Variants in RMDN2 observed in about 807,000 individuals in gnomAD.
RMDN2 encodes the protein regulator of microtubule dynamics 2, also known as regulator of microtubule dynamics protein 2.
RMDN2 carries 61 observed loss-of-function variants against 52.8 expected under a neutral mutation model. The ratio of observed to expected loss-of-function variants is 1.16; its 90% CI spans 0.94 to 1.43. The LOEUF (loss-of-function observed/expected upper bound fraction) is 1.43, where lower values mean the gene tolerates loss of function less well. Among genes scored for constraint, RMDN2 ranks in the 40% most tolerant of loss-of-function variants. The pLI, the probability that RMDN2 is intolerant of heterozygous loss-of-function variation, is 0.00. For synonymous variants in RMDN2, 180 were observed against 153.1 expected (o/e 1.18, Z -1.30); for missense variants, 592 against 475.3 (o/e 1.25, Z -2.28).
intron 10 of RMDN2, among the ~76,000 whole-genome samples, chr2:38,045,390 G>A (rs1005595791): frequency 6.6e-6 from 1 of 152,180 alleles, no homozygotes; most frequent in Admixed American, 6.5e-5. Context: ...CTGCACAAAT[G>A]TAGGCTCCTG....
At chr2:38,056,185 G>A (rs1464833818) in intron 10 of RMDN2, among the ~76,000 whole-genome samples, 2 of 152,286 alleles carry the variant, frequency 1.3e-5, no homozygotes, top group African/African-American at 2.4e-5. Context: ...CTTTCATCAC[G>A]GAGGGCGTTG....
chr2:37,992,709 A>G (rs780480357), intron 7 of RMDN2, among the ~76,000 whole-genome samples: 16 of 151,918 alleles, frequency 1.1e-4, no homozygotes, highest in Non-Finnish European at 1.9e-4. Context: ...GAAAAAGTAC[A>G]AAAAAAACAA....
chr2:38,004,098 A>G (rs1475490572), intron 9 of RMDN2, 38 bp from the exon 10 acceptor site: 2 of 1,607,102 alleles, frequency 1.2e-6, no homozygotes, highest in East Asian at 2.2e-5. Flanking sequence ...TCGCATAAAA[A>G]CGGATTATGT....
rs190547316 is a variant in RMDN2, at chr2:38,017,445, A to G, written c.*206A>G. On this transcript the variant is annotated 3_prime_UTR_variant, in exon 11 of 11. Transcript: ENST00000354545. ...GGAGAATCTATATACTATAATGTCAATACATAATCTATAAACATGTATGCT... is the reference window on the plus strand; with the variant it reads ...GGAGAATCTATATACTATAATGTCAGTACATAATCTATAAACATGTATGCT... 316 of 1,211,796 alleles carry G rather than the reference A, an allele frequency of 2.6e-4. 2 individuals carry two copies. The East Asian group carries it at 9.4e-3, about 36-fold the overall frequency. 75.1% of individuals were successfully genotyped at this position (1,211,796 alleles called of 1,614,324 possible). A position where few individuals can be genotyped will look rare whatever the true frequency, so the allele number is the denominator to read the frequency against.
intron 2 of RMDN2, among the ~76,000 whole-genome samples, chr2:37,962,522 A>G (rs183248956): frequency 1.3e-5 from 2 of 152,204 alleles, no homozygotes; most frequent in East Asian, 3.9e-4. Flanking sequence ...AAGCCTCAGT[A>G]ATGGTGGACG....
At chr2:38,039,577 C>G (rs2125286638) in intron 10 of RMDN2, among the ~76,000 whole-genome samples, 1 of 152,336 alleles carries the variant, frequency 6.6e-6, no homozygotes, top group East Asian at 1.9e-4. Flanking sequence ...TCACTCCTAT[C>G]ATTAAGTAGA....
intron 10 of RMDN2, among the ~76,000 whole-genome samples, chr2:38,066,133 C>T (rs1194020946): frequency 1.3e-5 from 2 of 152,098 alleles, no homozygotes; most frequent in Non-Finnish European, 2.9e-5. Context: ...TAATTTTGGC[C>T]CATTACTTTA....
chr2:38,005,962 C>T (rs1401963371), intron 10 of RMDN2, among the ~76,000 whole-genome samples: 1 of 152,182 alleles, frequency 6.6e-6, no homozygotes, highest in Admixed American at 6.5e-5. Context: ...AGTAGGGGAT[C>T]GTTTCCCCAT....
intron 10 of RMDN2, among the ~76,000 whole-genome samples, chr2:38,007,984 A>C (rs1262138767): frequency 1.3e-5 from 2 of 152,140 alleles, no homozygotes; most frequent in African/African-American, 2.4e-5. Context: ...ACTCAGGAGC[A>C]GGTTGTTCAG....
chr2:38,050,396 A>G (rs1309049884), intron 10 of RMDN2, among the ~76,000 whole-genome samples: 1 of 152,104 alleles, frequency 6.6e-6, no homozygotes, highest in African/African-American at 2.4e-5. Context: ...ATCCCCACAT[A>G]CAGCCCCAAT....
chr2:37,933,305 G>A (rs1666997887), intron 2 of RMDN2, among the ~76,000 whole-genome samples: 1 of 152,062 alleles, frequency 6.6e-6, no homozygotes. Context: ...GCCAGGCAGA[G>A]GGGCTCCTCA....
chr2:38,003,909 AT>A, intron 8 of RMDN2, 81 bp from the exon 9 acceptor site: 1 of 1,090,984 alleles, frequency 9.2e-7, no homozygotes, highest in Non-Finnish European at 1.4e-6. Flanking sequence ...TATTTGATTT[AT>A]TTAAATATAT....
In RMDN2 at chr2:37,988,677, T is replaced by G. The variant is rs138655071; in HGVS notation, c.792-864T>G. Among the ~76,000 whole-genome samples, 191 of 152,284 alleles carry G rather than the reference T, an allele frequency of 1.3e-3. 2 individuals are homozygous for G. The highest frequency in any genetic ancestry group is 4.5e-3 in the African/African-American group (187 of 41,554). On this transcript the variant is annotated intron_variant, in intron 5 of 10. Transcript: ENST00000354545. ...TTTTTCATCTTAGTTACTATGACAA[T>G]GCAAGTAAAAATTAACACCTACTCG...
At chr2:37,925,781 A>C (rs1026575718) in intron 1 of RMDN2, among the ~76,000 whole-genome samples, 1 of 74,622 alleles carries the variant, frequency 1.3e-5, no homozygotes, top group Non-Finnish European at 2.6e-5. Flanking sequence ...CAACAGAGAC[A>C]CTTGCTGGGC....
chr2:38,003,080 G>T (rs1282790155), intron 8 of RMDN2: 1 of 152,224 alleles, frequency 6.6e-6, no homozygotes, highest in Non-Finnish European at 1.5e-5. Context: ...ACCTACTCAT[G>T]TCTACTACCT....
intron 10 of RMDN2, among the ~76,000 whole-genome samples, chr2:38,052,404 CT>C (rs1681659534): frequency 6.6e-6 from 1 of 152,048 alleles, no homozygotes; most frequent in Non-Finnish European, 1.5e-5. Context: ...TGTTGAGTTC[CT>C]TGTATATTCT....
intron 7 of RMDN2, among the ~76,000 whole-genome samples, chr2:37,995,953 T>C (rs1168802413): frequency 1.3e-5 from 2 of 152,232 alleles, no homozygotes; most frequent in Non-Finnish European, 2.9e-5. Context: ...AATTATTAGA[T>C]TGCTGTGGAA....
chr2:38,004,944 T>G (rs1042057691), intron 10 of RMDN2, among the ~76,000 whole-genome samples: 2 of 151,484 alleles, frequency 1.3e-5, no homozygotes, highest in African/African-American at 4.8e-5. Flanking sequence ...TGACAACATG[T>G]GGTGTTTGGT....
At chr2:37,946,408 T>G (rs1668223779) in intron 2 of RMDN2, among the ~76,000 whole-genome samples, 1 of 152,196 alleles carries the variant, frequency 6.6e-6, no homozygotes, top group African/African-American at 2.4e-5. Context: ...CTCTTCCCTA[T>G]GCTACCCCTC....
Sources: gnomAD v4.1 joint callset for allele counts (sites outside exome capture counted in the v4.1 genomes callset) on GRCh38, gnomAD v4.1.1 for gene constraint, MANE v1.5 for transcripts, NCBI Gene and HGNC (gene_info 2026-07-23, HGNC 2026-07-21) for gene names.